The following AUTS2 variants were observed in gnomAD, a reference collection of about 807,000 sequenced individuals.
AUTS2 encodes the protein autism susceptibility gene 2 protein.
AUTS2 carries 17 observed loss-of-function variants against 112.4 expected under a neutral mutation model. The observed-to-expected ratio is 0.15, with a 90% CI of 0.10 to 0.23. AUTS2 has a LOEUF of 0.23. AUTS2 is among the 10% of genes least tolerant of loss of function. AUTS2 has a pLI of 1.00. For synonymous variants in AUTS2, 751 were observed against 702.7 expected, an observed-to-expected ratio of 1.07 and a Z score of -1.09; for missense variants, 1,510 against 1,701.6, an observed-to-expected ratio of 0.89 and a Z score of 1.98.
At chr7:69,641,346 G>C (rs779282445) in intron 1 of AUTS2, among the ~76,000 whole-genome samples, 1 of 151,776 alleles carries the variant, frequency 6.6e-6, no homozygotes, top group Admixed American at 6.6e-5. Flanking sequence ...CAAACAACTC[G>C]GCCTCTTCAT....
chr7:69,798,924 G>A (rs1421994501), intron 1 of AUTS2, among the ~76,000 whole-genome samples: 2 of 151,802 alleles, frequency 1.3e-5, no homozygotes, highest in Admixed American at 6.6e-5. Flanking sequence ...TCAGGAGTTC[G>A]AGGCTGCAGT....
At chr7:69,838,645 TA>T (rs1791831463) in intron 1 of AUTS2, among the ~76,000 whole-genome samples, 1 of 152,188 alleles carries the variant, frequency 6.6e-6, no homozygotes, top group Non-Finnish European at 1.5e-5. Flanking sequence ...TTGGCTGAAC[TA>T]TATTTGTTAT....
rs78896819 is a variant in AUTS2, at chr7:69,795,814, A to C, written c.310-103472A>C. Among the ~76,000 whole-genome samples, 85 of 152,326 alleles carry C rather than the reference A, an allele frequency of 5.6e-4. No individual in the cohort carries two copies. The East Asian group carries it at 0.015, about 27-fold the overall frequency. On this transcript the variant is annotated intron_variant, in intron 1 of 18. Coordinates refer to ENST00000342771, the MANE Select transcript of AUTS2 (RefSeq NM_015570.4). ...TTATGTATGTACCATTGCTGGGTACAGGAGGCAGAAGAGCTAGCGCCAGAA... is the reference window on the plus strand; with the variant it reads ...TTATGTATGTACCATTGCTGGGTACCGGAGGCAGAAGAGCTAGCGCCAGAA...
At chr7:69,724,687 C>T (rs920465941) in intron 1 of AUTS2, among the ~76,000 whole-genome samples, 3 of 152,172 alleles carry the variant, frequency 2.0e-5, no homozygotes, top group Non-Finnish European at 4.4e-5. Context: ...TAACCACAAA[C>T]TCTCTTAGTG....
At chr7:70,664,002 C>G (rs1807207610) in intron 5 of AUTS2, among the ~76,000 whole-genome samples, 1 of 152,108 alleles carries the variant, frequency 6.6e-6, no homozygotes, top group South Asian at 2.1e-4. Flanking sequence ...TTTTCTGACT[C>G]CACCAAGGCA....
chr7:70,656,595 G>A (rs186532037), intron 5 of AUTS2, among the ~76,000 whole-genome samples: 6 of 152,248 alleles, frequency 3.9e-5, no homozygotes, highest in South Asian at 2.1e-4. Flanking sequence ...TGCATTTGAC[G>A]GATGAAGAAA....
chr7:70,742,892 C>CA (rs1390869443), intron 6 of AUTS2, among the ~76,000 whole-genome samples: 1 of 152,150 alleles, frequency 6.6e-6, no homozygotes, highest in Non-Finnish European at 1.5e-5. Flanking sequence ...TCAGGAAGCC[C>CA]AAACTTCTCT....
At chr7:70,118,498 G>A (rs865903184) in intron 3 of AUTS2, 4 of 294,494 alleles carry the variant, frequency 1.4e-5, no homozygotes, top group Middle Eastern at 1.1e-3. Flanking sequence ...AAACAACAAG[G>A]CCGGGCACGG....
chr7:69,744,154 C>G (rs1199230515), intron 1 of AUTS2, among the ~76,000 whole-genome samples: 1 of 152,116 alleles, frequency 6.6e-6, no homozygotes, highest in Non-Finnish European at 1.5e-5. Context: ...GGTCATTTTT[C>G]TTGCTCTGTG....
chr7:70,723,708 A>G (rs1008260323), intron 6 of AUTS2, among the ~76,000 whole-genome samples: 36 of 103,390 alleles, frequency 3.5e-4, no homozygotes, highest in African/African-American at 1.1e-3. Context: ...GCTCTTATTT[A>G]TGTATTTTCA....
intron 5 of AUTS2, among the ~76,000 whole-genome samples, chr7:70,624,956 C>T (rs1804861594): frequency 6.6e-6 from 1 of 152,118 alleles, no homozygotes; most frequent in African/African-American, 2.4e-5. Flanking sequence ...GAATCCTGAG[C>T]TCTCCCCAGC....
At chr7:69,783,088 C>CT (rs398047755) in intron 1 of AUTS2, among the ~76,000 whole-genome samples, 5,209 of 84,744 alleles carry the variant, frequency 0.061, 65 homozygotes, top group Non-Finnish European at 0.081. Flanking sequence ...TGCTGCTCAT[C>CT]TTTTTTTTTT....
At chr7:69,823,080 A>G (rs1791069468) in intron 1 of AUTS2, among the ~76,000 whole-genome samples, 1 of 152,212 alleles carries the variant, frequency 6.6e-6, no homozygotes, top group African/African-American at 2.4e-5. Context: ...CCTAGCAAGC[A>G]TATTGGTACT....
intron 4 of AUTS2, among the ~76,000 whole-genome samples, chr7:70,205,586 A>T (rs1810532327): frequency 6.6e-6 from 1 of 152,232 alleles, no homozygotes; most frequent in East Asian, 1.9e-4. Flanking sequence ...AACATGCTGT[A>T]GAGGTTTGTA....
chr7:70,129,943 T>C (rs1437708685), intron 3 of AUTS2, among the ~76,000 whole-genome samples: 1 of 151,808 alleles, frequency 6.6e-6, no homozygotes, highest in East Asian at 1.9e-4. Flanking sequence ...GGTCGGCTAT[T>C]AGTAATCTTA....
intron 2 of AUTS2, among the ~76,000 whole-genome samples, chr7:70,091,198 T>G (rs1803902379): frequency 6.6e-6 from 1 of 152,178 alleles, no homozygotes; most frequent in Admixed American, 6.5e-5. Context: ...ATTCTAATCT[T>G]TAACCTCTGT....
intron 5 of AUTS2, among the ~76,000 whole-genome samples, chr7:70,493,166 G>A (rs996525065): frequency 2.0e-5 from 3 of 152,132 alleles, no homozygotes; most frequent in Non-Finnish European, 4.4e-5. Flanking sequence ...GTGGGAAAAG[G>A]TATATTTCCA....
intron 6 of AUTS2, among the ~76,000 whole-genome samples, chr7:70,727,077 G>T (rs773998704): frequency 6.6e-6 from 1 of 152,124 alleles, no homozygotes; most frequent in African/African-American, 2.4e-5. Context: ...TGAAGGCTGG[G>T]TATTAACATC....
At chr7:69,699,645 T>G (rs1350890383) in intron 1 of AUTS2, among the ~76,000 whole-genome samples, 1 of 149,406 alleles carries the variant, frequency 6.7e-6, no homozygotes, top group East Asian at 1.9e-4. Context: ...TAATGTTTTT[T>G]TTTTTTTTTT....
Sources: gnomAD v4.1 joint callset for allele counts (sites outside exome capture counted in the v4.1 genomes callset) on GRCh38, gnomAD v4.1.1 for gene constraint, MANE v1.5 for transcripts, NCBI Gene and HGNC (gene_info 2026-07-23, HGNC 2026-07-21) for gene names.